The following SGCG variants were observed in gnomAD, a reference collection of about 807,000 sequenced individuals.
SGCG encodes sarcoglycan gamma.
Under a neutral mutation model 29.3 loss-of-function variants are expected in SGCG, and 26 were observed. The observed-to-expected ratio is 0.89, with a 90% CI of 0.65 to 1.23. SGCG has a LOEUF of 1.23. Ranked by LOEUF, SGCG falls within the 50% of genes most tolerant of loss-of-function variation. The probability of loss-of-function intolerance (pLI) is 0.00; values close to 1 mark genes in which losing one functional copy is unlikely to be tolerated. For missense variants in SGCG, 353 were observed against 356.0 expected (o/e 0.99, Z 0.07); for synonymous variants, 145 against 129.7 (o/e 1.12, Z -0.80).
chr13:23,252,578 C>T (rs11838441), intron 4 of SGCG, among the ~76,000 whole-genome samples: 18,716 of 151,978 alleles, frequency 0.12, 1,360 homozygotes, highest in African/African-American at 0.19. Flanking sequence ...GTAGTCTCAG[C>T]TACTTGGGCG....
chr13:23,195,282 C>T (rs959289355), intron 1 of SGCG, among the ~76,000 whole-genome samples: 1 of 152,086 alleles, frequency 6.6e-6, no homozygotes, highest in East Asian at 1.9e-4. Context: ...TTTCTGAGAG[C>T]ATCTAATAAA....
rs547818652 is a variant in SGCG at position 23,320,639 on chromosome 13, T to C, written c.581T>C (p.Leu194Ser). 37 of 1,529,698 alleles carry C rather than the reference T, an allele frequency of 2.4e-5. No individual in the cohort carries two copies. The highest frequency in any genetic ancestry group is 2.9e-5 in the Non-Finnish European group (33 of 1,119,060). 94.8% of individuals were successfully genotyped at this position (1,529,698 alleles called of 1,614,324 possible). ...VRADPFQDLRLESPTRSLSMD... is the reference protein window; with the variant it reads ...VRADPFQDLRSESPTRSLSMD... The stretch of plus-strand genomic sequence containing the variant: ...TGTGCTTCTTTTCCTCATCTCAGAT[T>C]AGAATCCCCCACTCGGAGTCTAAGC... The change falls in exon 7 of 8, where the codon TTA becomes TCA. Residue 194 changes from leucine (L) to serine (S), a missense_variant and splice_region_variant. Leu to Ser is a moderately radical substitution (Grantham distance 145, BLOSUM62 -2). Transcript: ENST00000218867.
At chr13:23,241,381 A>ATACATTTTCC (rs1276660905) in intron 3 of SGCG, among the ~76,000 whole-genome samples, 1 of 152,278 alleles carries the variant, frequency 6.6e-6, no homozygotes, top group East Asian at 1.9e-4. Context: ...AAAATGGATA[A>ATACATTTTCC]ATATTTGGAT....
chr13:23,275,121 A>ATG (rs1491095992), intron 4 of SGCG, among the ~76,000 whole-genome samples: 1 of 15,022 alleles, frequency 6.7e-5, no homozygotes, highest in African/African-American at 2.7e-4. Flanking sequence ...AATGGATGGA[A>ATG]TATATATATA....
chr13:23,287,094 C>T (rs938341262), intron 5 of SGCG, among the ~76,000 whole-genome samples: 4 of 152,174 alleles, frequency 2.6e-5, no homozygotes, highest in African/African-American at 9.7e-5. Flanking sequence ...TTTCCTTCTC[C>T]TTTCAGTGTG....
chr13:23,177,970 A>G (rs1001942995), upstream of SGCG, among the ~76,000 whole-genome samples: 45 of 152,242 alleles, frequency 3.0e-4, no homozygotes, highest in Admixed American at 2.6e-3. Context: ...ACCCAAGGGC[A>G]TTGTCACTTT....
intron 6 of SGCG, among the ~76,000 whole-genome samples, chr13:23,305,975 G>A (rs4614570): frequency 0.033 from 4,976 of 152,182 alleles, 251 homozygotes; most frequent in African/African-American, 0.11. Context: ...GGGTTCAAGC[G>A]ATTCTCCCAC....
intron 2 of SGCG, among the ~76,000 whole-genome samples, chr13:23,223,700 A>G (rs1017159535): frequency 3.9e-5 from 6 of 152,176 alleles, no homozygotes; most frequent in African/African-American, 1.4e-4. Flanking sequence ...GTGGTGGCTC[A>G]TGCCTGTAAT....
At chr13:23,257,929 A>G (rs1880263751) in intron 4 of SGCG, among the ~76,000 whole-genome samples, 1 of 152,198 alleles carries the variant, frequency 6.6e-6, no homozygotes, top group Non-Finnish European at 1.5e-5. Context: ...TACCAGTACC[A>G]TGCTGTTTTG....
chr13:23,276,431 C>CTTTTTTTTTTTT lies in SGCG; in HGVS notation c.386-2920_386-2909dup, dbSNP rs71100165. On this transcript the variant is annotated intron_variant, in intron 4 of 7. Transcript: ENST00000218867. Reference sequence around the variant, plus strand: ...CATGAACGCTTTCTTTTTTAGTTTTCTTTTTTTTTTTTTTTTTTTGAGACA... The same window carrying CTTTTTTTTTTTT: ...CATGAACGCTTTCTTTTTTAGTTTTCTTTTTTTTTTTTTTTTTTTTTTTTTTTTTTTGAGACA... Among the ~76,000 whole-genome samples, 54 of 102,382 alleles carry CTTTTTTTTTTTT rather than the reference C, an allele frequency of 5.3e-4. 2 individuals carry two copies. Among genetic ancestry groups the CTTTTTTTTTTTT allele is most frequent in the Non-Finnish European group, 7.5e-4 (40 of 53,452 alleles). The allele number at this position is 102,382 out of a possible 152,430, so 67.2% of individuals were successfully genotyped here. A position where few individuals can be genotyped will look rare whatever the true frequency, so the allele number is the denominator to read the frequency against.
chr13:23,196,342 G>T (rs1877507354), intron 1 of SGCG, among the ~76,000 whole-genome samples: 1 of 149,576 alleles, frequency 6.7e-6, no homozygotes, highest in Non-Finnish European at 1.5e-5. Flanking sequence ...TTGTTTGTTT[G>T]ATGTTCTTAA....
At position 23,227,662 on chromosome 13, in the gene SGCG, C is replaced by T. The variant is rs145135807; in HGVS notation, c.196-6949C>T. ...GATGTAGTATTTTAGTGAAAGAAGCCTATCTGGAAAGGCTACATACTGCAT... is the reference window on the plus strand; with the variant it reads ...GATGTAGTATTTTAGTGAAAGAAGCTTATCTGGAAAGGCTACATACTGCAT... On this transcript the variant is annotated intron_variant, in intron 2 of 7. Transcript: ENST00000218867. 1.9e-3 allele frequency among the ~76,000 whole-genome samples: 283 copies of T among 152,248 alleles called. 3 individuals are homozygous for T. Among genetic ancestry groups the T allele is most frequent in the African/African-American group, 6.5e-3 (268 of 41,534 alleles).
intron 6 of SGCG, among the ~76,000 whole-genome samples, chr13:23,311,396 T>A (rs1246315590): frequency 6.6e-6 from 1 of 152,270 alleles, no homozygotes; most frequent in East Asian, 1.9e-4. Flanking sequence ...GCCATAGTTC[T>A]TCATATGTAT....
the SGCG span, among the ~76,000 whole-genome samples, chr13:23,173,616 C>T: frequency 6.6e-6 from 1 of 152,162 alleles, no homozygotes. Context: ...ATAATTGCTA[C>T]CATCATCCAC....
At chr13:23,204,363 A>G (rs181504685) in intron 2 of SGCG, among the ~76,000 whole-genome samples, 1 of 152,336 alleles carries the variant, frequency 6.6e-6, no homozygotes. Flanking sequence ...ATCAATCCTG[A>G]GGAATTCATA....
chr13:23,248,476 G>A (rs868436784), intron 3 of SGCG, among the ~76,000 whole-genome samples: 2 of 152,026 alleles, frequency 1.3e-5, no homozygotes, highest in African/African-American at 2.4e-5. Context: ...GGAGGCGGGC[G>A]GATCACGAGG....
intron 1 of SGCG, among the ~76,000 whole-genome samples, chr13:23,186,338 T>A (rs1391887689): frequency 1.3e-5 from 2 of 152,196 alleles, no homozygotes; most frequent in Non-Finnish European, 2.9e-5. Flanking sequence ...TCCCAGACAA[T>A]TCTTGTCAGA....
rs368112047 is a variant in SGCG at position 23,186,635 on chromosome 13, A to G, written c.-1+5560A>G. Among the ~76,000 whole-genome samples the G allele has an allele frequency of 1.2e-3, 180 of 152,308 alleles. 2 individuals are homozygous for G. Among genetic ancestry groups the G allele is most frequent in the African/African-American group, 4.0e-3 (165 of 41,552 alleles). On this transcript the variant is annotated intron_variant, in intron 1 of 7. Transcript: ENST00000218867. ...ATTGATTTTGGATGTACAGAACTGC[A>G]TTCTGAAGTATCCCCCATCCTCACA...
chr13:23,287,491 T>C (rs1881537274), intron 5 of SGCG, among the ~76,000 whole-genome samples: 1 of 152,154 alleles, frequency 6.6e-6, no homozygotes, highest in Admixed American at 6.5e-5. Flanking sequence ...TGCTGACACC[T>C]GTGAGACCCT....
Sources: allele counts gnomAD v4.1 joint callset (sites outside exome capture counted in the v4.1 genomes callset), GRCh38; gene constraint gnomAD v4.1.1; transcripts MANE v1.5; gene names NCBI Gene and HGNC (gene_info 2026-07-23, HGNC 2026-07-21).